Variants in TCHH observed in about 807,000 individuals in gnomAD.
The protein encoded by TCHH is trichohyalin.
A neutral mutation model predicts 6.3 loss-of-function variants in TCHH; 6 were observed. That is an observed-to-expected ratio of 0.95 (90% CI 0.52 to 1.88). The LOEUF (loss-of-function observed/expected upper bound fraction) is 1.88, where lower values mean the gene tolerates loss of function less well. Among genes scored for constraint, TCHH ranks in the 40% most tolerant of loss-of-function variants. The pLI is 0.01. For synonymous variants in TCHH, 1,087 were observed against 963.6 expected (o/e 1.13, Z -2.37); for missense variants, 2,920 against 2,449.1 (o/e 1.19, Z -4.06).
In TCHH at chr1:152,109,913, T is replaced by C. The variant is rs1275092805; in HGVS notation, c.3304A>G (p.Arg1102Gly). ...CATTGCCTCTCCCGCTCCTGGCGCCTTCTCTTCTCCGGTTCCTCTCTCAGC... is the reference window on the plus strand; with the variant it reads ...CATTGCCTCTCCCGCTCCTGGCGCCCTCTCTTCTCCGGTTCCTCTCTCAGC... ...QLLREEPEKRRRQERERQCRE... is the reference protein window; with the variant it reads ...QLLREEPEKRGRQERERQCRE... Residue 1102 changes from arginine (R) to glycine (G), a missense_variant, in exon 3 of 3, where the codon AGG becomes GGG. Coordinates refer to ENST00000614923, the MANE Select transcript of TCHH (RefSeq NM_007113.4). 23 of 1,587,520 alleles carry C rather than the reference T, an allele frequency of 1.4e-5. No individual in the cohort carries two copies. The highest frequency in any genetic ancestry group is 2.0e-5 in the Non-Finnish European group (23 of 1,170,388).
Position 152,109,218 on chromosome 1 carries a change from C to T in TCHH, c.3999G>A (p.Glu1333=), listed in dbSNP as rs1658231758. The change falls in exon 3 of 3, where the codon GAG becomes GAA. Residue 1333 remains glutamate, a synonymous_variant. Transcript: ENST00000614923. ...EEREEKRRRQ[E]TDRKFREEEQ... ...CCTCCTCGCGGAATTTTCTGTCTGTCTCTTGACGGCGTCTCTTCTCTTCTC... is the reference window on the plus strand; with the variant it reads ...CCTCCTCGCGGAATTTTCTGTCTGTTTCTTGACGGCGTCTCTTCTCTTCTC... 6.2e-7 allele frequency: 1 copy of T among 1,614,244 alleles called. No homozygotes were observed. Among genetic ancestry groups the T allele is most frequent in the Non-Finnish European group, 8.5e-7 (1 of 1,180,030 alleles).
chr1:152,110,144 C>T lies in TCHH; in HGVS notation c.3073G>A (p.Glu1025Lys). The part of the protein sequence containing the change: ...EWERQYRKKD[E>K]LQQEEEQLLR... ...AGCTGCTCTTCTTCCTGCTGCAGCT[C>T]GTCTTTTTTGCGGTACTGCCTCTCC... The change falls in exon 3 of 3, where the codon GAG becomes AAG. Residue 1025 changes from glutamate (E) to lysine (K), a missense_variant. Transcript: ENST00000614923. 8.8e-6 allele frequency: 14 copies of T among 1,598,602 alleles called. No homozygotes were observed. Among genetic ancestry groups the T allele is most frequent in the South Asian group, 1.1e-5 (1 of 90,172 alleles).
chr1:152,111,804 C>T lies in TCHH; in HGVS notation c.1413G>A (p.Arg471=), dbSNP rs1658368453. Reference sequence around the variant, plus strand: ...GGTCGCGCTTCAGCTGCTGCTTGCGCCTCTCCTGCTCGTGCCTCTCCGTCT... The same window carrying T: ...GGTCGCGCTTCAGCTGCTGCTTGCGTCTCTCCTGCTCGTGCCTCTCCGTCT... ...EEETERHEQE[R]RKQQLKRDQE... The change falls in exon 3 of 3, where the codon AGG becomes AGA. Residue 471 remains arginine (R), a synonymous_variant. Coordinates refer to ENST00000614923, the MANE Select transcript of TCHH (RefSeq NM_007113.4). The T allele has an allele frequency of 6.2e-7, 1 of 1,604,974 alleles. No individual in the cohort carries two copies. Among genetic ancestry groups the T allele is most frequent in the Non-Finnish European group, 8.5e-7 (1 of 1,177,724 alleles).
In TCHH at chr1:152,107,365, C is replaced by G. The variant is rs761449972; in HGVS notation, c.*20G>C. On this transcript the variant is annotated 3_prime_UTR_variant, in exon 3 of 3. Transcript: ENST00000614923. ...CCGTGCTCGAAGCTTTGGCAGGTGTCAAGATATTGGCAACATCACTTAAGG... is the reference window on the plus strand; with the variant it reads ...CCGTGCTCGAAGCTTTGGCAGGTGTGAAGATATTGGCAACATCACTTAAGG... 6.6e-6 allele frequency: 10 copies of G among 1,522,794 alleles called. No homozygotes were observed. In the South Asian group the frequency reaches 1.1e-4, roughly 16 times the overall value. 94.3% of individuals were successfully genotyped at this position (1,522,794 alleles called of 1,614,324 possible).
At position 152,109,922 on chromosome 1, in the gene TCHH, C is replaced by G; in HGVS notation, c.3295G>C (p.Glu1099Gln). 1 of 1,591,768 alleles carries G rather than the reference C, an allele frequency of 6.3e-7. No individual in the cohort carries two copies. The part of the protein sequence containing the change: ...EEEQLLREEP[E>Q]KRRRQERERQ... Reference sequence around the variant, plus strand: ...TCCCGCTCCTGGCGCCTTCTCTTCTCCGGTTCCTCTCTCAGCAGCTGCTCT... The same window carrying G: ...TCCCGCTCCTGGCGCCTTCTCTTCTGCGGTTCCTCTCTCAGCAGCTGCTCT... Residue 1099 changes from glutamate to glutamine, a missense_variant, in exon 3 of 3, where the codon GAG (glutamate) becomes CAG (glutamine). Physicochemically the swap from Glu to Gln is conservative, Grantham distance 29. Transcript: ENST00000614923.
chr1:152,108,136 C>T lies in TCHH; in HGVS notation c.5081G>A (p.Arg1694His), dbSNP rs1172917177. The stretch of plus-strand genomic sequence containing the variant: ...ACGGCGGAGCTGCTGTTCCTCTTCG[C>T]GGAATTTTCTGTCACGCTCTTGGCG... ...LRRQERDRKF[R>H]EEEQQLRRQE... Residue 1694 changes from arginine to histidine, a missense_variant, in exon 3 of 3, where the codon CGC becomes CAC. Transcript: ENST00000614923. 3.1e-6 allele frequency: 5 copies of T among 1,611,776 alleles called. No individual in the cohort carries two copies. The highest frequency in any genetic ancestry group is 3.4e-6 in the Non-Finnish European group (4 of 1,179,540).
Position 152,109,159 on chromosome 1 carries a change from A to T in TCHH, c.4058T>A (p.Leu1353Gln). The change falls in exon 3 of 3, where the codon CTG (leucine) becomes CAG (glutamine). Residue 1353 changes from leucine to glutamine, a missense_variant. Transcript: ENST00000614923. ...QLLQEREEQP[L>Q]RRQERDRKFR... ...TTTTCTGTCACGCTCTTGGCGGCGC[A>T]GCGGCTGTTCCTCCCTTTCCTGGAG... is the stretch of plus-strand genomic sequence containing the variant. 6.2e-7 allele frequency: 1 copy of T among 1,613,438 alleles called. No individual in the cohort carries two copies. The highest frequency in any genetic ancestry group is 8.5e-7 in the Non-Finnish European group (1 of 1,179,734).
In TCHH at chr1:152,108,473, G is replaced by T. The variant is rs748912470; in HGVS notation, c.4744C>A (p.Arg1582Ser). 1 of 1,612,568 alleles carries T rather than the reference G, an allele frequency of 6.2e-7. No homozygotes were observed. The highest frequency in any genetic ancestry group is 8.5e-7 in the Non-Finnish European group (1 of 1,179,708). The change falls in exon 3 of 3, where the codon CGT becomes AGT. Residue 1582 changes from arginine to serine, a missense_variant. Transcript: ENST00000614923. The stretch of plus-strand genomic sequence containing the variant: ...CGGCGCACTTTCTGTTCCTCTAAAC[G>T]GAATTTTCTGTCACGCTCTTGGCGG... Reference protein sequence around the residue: ...LSRQERDRKFRLEEQKVRRQE... With the variant: ...LSRQERDRKFSLEEQKVRRQE...
rs918571090 is a variant in TCHH at position 152,115,427 on chromosome 1, G to C, written c.-68C>G. The C allele has an allele frequency of 6.6e-6, 1 of 152,248 alleles. No individual in the cohort carries two copies. Among genetic ancestry groups the C allele is most frequent in the African/African-American group, 2.4e-5 (1 of 41,462 alleles). 9.4% of individuals were successfully genotyped at this position (152,248 alleles called of 1,614,324 possible). Reference sequence around the variant, plus strand: ...GAGGAAGAAGTCGACAGTGCTTGCTGACACCACAGGCAAGTGTACTGGGTA... The same window carrying C: ...GAGGAAGAAGTCGACAGTGCTTGCTCACACCACAGGCAAGTGTACTGGGTA... On this transcript the variant is annotated 5_prime_UTR_variant, in exon 1 of 3. Coordinates refer to ENST00000614923, the MANE Select transcript of TCHH (RefSeq NM_007113.4).
chr1:152,107,532 G>T lies in TCHH; in HGVS notation c.5685C>A (p.His1895Gln), dbSNP rs532342360. The T allele has an allele frequency of 1.2e-5, 19 of 1,614,196 alleles. No individual in the cohort carries two copies. The East Asian group carries it at 1.6e-4, about 13-fold the overall frequency. ...GGGATTTTATCTCCCCGACTTGGCG[G>T]TGCCTCTGTTCCTCCTTCTGCTGGC... ...IRRQQKEEQR[H>Q]RQVGEIKSQE... is the part of the protein sequence containing the mutation. Residue 1895 changes from histidine to glutamine, a missense_variant, in exon 3 of 3, where the codon CAC becomes CAA. By Grantham distance (24) the His-to-Gln change is conservative. Coordinates refer to ENST00000614923, the MANE Select transcript of TCHH (RefSeq NM_007113.4).
At position 152,108,547 on chromosome 1, in the gene TCHH, A is replaced by G. The variant is rs763527749; in HGVS notation, c.4670T>C (p.Phe1557Ser). 10 of 1,599,696 alleles carry G rather than the reference A, an allele frequency of 6.3e-6. No homozygotes were observed. Among genetic ancestry groups the G allele is most frequent in the Non-Finnish European group, 7.6e-6 (9 of 1,176,854 alleles). Residue 1557 changes from phenylalanine (F) to serine (S), a missense_variant, in exon 3 of 3, where the codon TTC becomes TCC. By Grantham distance (155) the Phe-to-Ser change is radical (BLOSUM62 -2). Transcript: ENST00000614923. ...QQRRQDRDRK[F>S]REEEQLRQER... ...CTGGCGCAGCTGTTCCTCCTCGCGGAATTTTCTGTCACGGTCCTGACGCCG... is the reference window on the plus strand; with the variant it reads ...CTGGCGCAGCTGTTCCTCCTCGCGGGATTTTCTGTCACGGTCCTGACGCCG...
chr1:152,113,527 G>A lies in TCHH; in HGVS notation c.138+416C>T, dbSNP rs113019675. The stretch of plus-strand genomic sequence containing the variant: ...CAATAGAAATTTATGAGGATTTGCA[G>A]TAGCCATTTCTGTCTGAAGCAGCCA... On this transcript the variant is annotated intron_variant, in intron 2 of 2. Transcript: ENST00000614923. Among the ~76,000 whole-genome samples, 431 of 152,328 alleles carry A rather than the reference G, an allele frequency of 2.8e-3. 2 individuals are homozygous for A. Among genetic ancestry groups the A allele is most frequent in the African/African-American group, 9.9e-3 (412 of 41,574 alleles).
At position 152,107,268 on chromosome 1, in the gene TCHH, C is replaced by G. The variant is rs1204292470; in HGVS notation, c.*117G>C. ...TTAAGATTTTGGAAGAAAAGACATT[C>G]TAATATCAGAGAGTTTTCCCACAAC... On this transcript the variant is annotated 3_prime_UTR_variant, in exon 3 of 3. Coordinates refer to ENST00000614923, the MANE Select transcript of TCHH (RefSeq NM_007113.4). 1.8e-6 allele frequency: 2 copies of G among 1,087,812 alleles called. No homozygotes were observed. The highest frequency in any genetic ancestry group is 2.6e-6 in the Non-Finnish European group (2 of 768,284). 67.4% of individuals were successfully genotyped at this position (1,087,812 alleles called of 1,614,324 possible). A position where few individuals can be genotyped will look rare whatever the true frequency, so the allele number is the denominator to read the frequency against.
chr1:152,107,997 C>T lies in TCHH; in HGVS notation c.5220G>A (p.Leu1740=). 5.6e-6 allele frequency: 9 copies of T among 1,613,574 alleles called. No homozygotes were observed. Among genetic ancestry groups the T allele is most frequent in the Non-Finnish European group, 7.6e-6 (9 of 1,179,918 alleles). The change falls in exon 3 of 3, where the codon CTG becomes CTA. Residue 1740 remains leucine (L), a synonymous_variant. Coordinates refer to ENST00000614923, the MANE Select transcript of TCHH (RefSeq NM_007113.4). The part of the protein sequence containing the change: ...QLRQETEQEQ[L]RRQERYRKIL... ...TTTTTCTGTAGCGTTCTTGGCGGCG[C>T]AGCTGCTCTTGCTCCGTTTCTTGGC...
In TCHH at chr1:152,112,902, T is replaced by G. The variant is rs1182934337; in HGVS notation, c.315A>C (p.Gly105=). The change falls in exon 3 of 3, where the codon GGA becomes GGC. Residue 105 remains glycine, a synonymous_variant. Coordinates refer to ENST00000614923, the MANE Select transcript of TCHH (RefSeq NM_007113.4). ...TGCGATCTTGTAACAGGCTCTCCTT[T>G]CCGTCACACCGGGCTCGCTTCTCCT... ...LDEEKRARCD[G]KESLLQDRRQ... 6.2e-7 allele frequency: 1 copy of G among 1,613,786 alleles called. No homozygotes were observed. Among genetic ancestry groups the G allele is most frequent in the African/African-American group, 1.3e-5 (1 of 74,790 alleles).
Position 152,107,795 on chromosome 1 carries a change from C to T in TCHH, c.5422G>A (p.Glu1808Lys), listed in dbSNP as rs201148604. 5.0e-6 allele frequency: 8 copies of T among 1,614,148 alleles called. No homozygotes were observed. The Middle Eastern group carries it at 4.9e-4, about 100-fold the overall frequency. Residue 1808 changes from glutamate to lysine, a missense_variant, in exon 3 of 3, where the codon GAA becomes AAA. Glu to Lys is a moderately conservative substitution (Grantham distance 56, BLOSUM62 1). Transcript: ENST00000614923. ...TGTTGGGGGCGCAGCTGCTGTTCTT[C>T]CCTCTCCTGGCGTAGCTGTTCCTCC... is the stretch of plus-strand genomic sequence containing the variant. ...REEEQLRQER[E>K]EQQLRPQQRD...
rs1247073181 is a variant in TCHH, at chr1:152,107,949, A to G, written c.5268T>C (p.Arg1756=). The G allele has an allele frequency of 5.9e-5, 92 of 1,570,288 alleles. No homozygotes were observed. The highest frequency in any genetic ancestry group is 7.7e-5 in the Non-Finnish European group (89 of 1,162,704). The stretch of plus-strand genomic sequence containing the variant: ...GCAGCTGCTGTTCTTCCCTTTCCGG[A>G]CGGAGCTGCTCTTCCTCTAGGATTT... The part of the protein sequence containing the change: ...YRKILEEEQL[R]PEREEQQLRR... Residue 1756 remains arginine (R), a synonymous_variant, in exon 3 of 3, where the codon CGT becomes CGC. Transcript: ENST00000614923.
rs369004108 is a variant in TCHH at position 152,111,509 on chromosome 1, C to T, written c.1708G>A (p.Glu570Lys). 57 of 1,606,918 alleles carry T rather than the reference C, an allele frequency of 3.5e-5. No individual in the cohort carries two copies. In the African/African-American group the frequency reaches 6.4e-4, roughly 18 times the overall value. ...QERREQRLKR[E>K]QEERRDQLLK... ...AGCTGATCGCGCCTCTCCTCCTGCT[C>T]GCGCTTCAGCCGCTGCTCTCGCCTC... is the stretch of plus-strand genomic sequence containing the variant. Residue 570 changes from glutamate to lysine, a missense_variant, in exon 3 of 3, where the codon GAG becomes AAG. Coordinates refer to ENST00000614923, the MANE Select transcript of TCHH (RefSeq NM_007113.4).
chr1:152,108,895 C>G lies in TCHH; in HGVS notation c.4322G>C (p.Arg1441Pro). 6.2e-7 allele frequency: 1 copy of G among 1,611,704 alleles called. No individual in the cohort carries two copies. The stretch of plus-strand genomic sequence containing the variant: ...CAGGAATTTTCTCTCTCGTTCCTGG[C>G]GGCGCACCTGCTGTTCCTCTTCACG... The part of the protein sequence containing the change: ...KFREEEQQVR[R>P]QERERKFLEE... The change falls in exon 3 of 3, where the codon CGC becomes CCC. Residue 1441 changes from arginine (R) to proline (P), a missense_variant. Coordinates refer to ENST00000614923, the MANE Select transcript of TCHH (RefSeq NM_007113.4).
Sources: allele counts gnomAD v4.1 joint callset (sites outside exome capture counted in the v4.1 genomes callset), GRCh38; gene constraint gnomAD v4.1.1; transcripts MANE v1.5; gene names NCBI Gene and HGNC (gene_info 2026-07-23, HGNC 2026-07-21).